SREBF2: variants seen among roughly 807,000 people sequenced by gnomAD.
The protein encoded by SREBF2 is sterol regulatory element-binding protein 2.
In SREBF2, 55 loss-of-function variants were observed where a neutral mutation model predicts 113.1. That is an observed-to-expected ratio of 0.49 (90% CI 0.39 to 0.61). The LOEUF is 0.61. Among genes scored for constraint, SREBF2 ranks in the 20% least tolerant of loss-of-function variants. The probability of loss-of-function intolerance (pLI) is 0.00; values close to 1 mark genes in which losing one functional copy is unlikely to be tolerated. For synonymous variants in SREBF2, 593 were observed against 605.7 expected, an observed-to-expected ratio of 0.98 and a Z score of 0.31; for missense variants, 1,349 against 1,487.4, an observed-to-expected ratio of 0.91 and a Z score of 1.53.
intron 11 of SREBF2, among the ~76,000 whole-genome samples, chr22:41,887,953 G>A (rs1569403919): frequency 6.6e-6 from 1 of 152,094 alleles, no homozygotes; most frequent in Non-Finnish European, 1.5e-5. Context: ...AGTCTGTTTC[G>A]TTACATTCAA....
rs1162448693 is a variant in SREBF2 at position 41,895,048 on chromosome 22, C to T, written c.2495+111C>T. ...GGAAACAAGCCTGGCATCGGGTTGG[C>T]AGGGCAATCAAATGGTTCCTTTGTA... is the stretch of plus-strand genomic sequence containing the variant. On this transcript the variant is annotated intron_variant, in intron 13 of 18. Coordinates refer to ENST00000361204, the MANE Select transcript of SREBF2 (RefSeq NM_004599.4). 1.2e-5 allele frequency: 10 copies of T among 814,566 alleles called. No homozygotes were observed. The East Asian group carries it at 2.6e-4, about 21-fold the overall frequency. 50.5% of individuals were successfully genotyped at this position (814,566 alleles called of 1,614,324 possible).
rs536043807 is a variant in SREBF2 at position 41,899,977 on chromosome 22, C to T, written c.2739-353C>T. ...ATACCACATCTCTGGGGGGGTGGTC[C>T]CTTAAAGAACGGGTACAACACCTTA... On this transcript the variant is annotated intron_variant, in intron 15 of 18. Transcript: ENST00000361204. 108 of 1,209,096 alleles carry T rather than the reference C, an allele frequency of 8.9e-5. 1 individual carries two copies. In the South Asian group the frequency reaches 1.6e-3, roughly 18 times the overall value. The allele number at this position is 1,209,096 out of a possible 1,614,324, so 74.9% of individuals were successfully genotyped here. A position where few individuals can be genotyped will look rare whatever the true frequency, so the allele number is the denominator to read the frequency against.
chr22:41,849,645 G>A (rs1052284934), intron 1 of SREBF2, among the ~76,000 whole-genome samples: 2 of 152,094 alleles, frequency 1.3e-5, no homozygotes, highest in Non-Finnish European at 2.9e-5. Flanking sequence ...TACTTAAAAA[G>A]AGAGAGATTG....
At chr22:41,892,508 C>T (rs1268902631) in intron 11 of SREBF2, among the ~76,000 whole-genome samples, 1 of 151,790 alleles carries the variant, frequency 6.6e-6, no homozygotes, top group Non-Finnish European at 1.5e-5. Flanking sequence ...ATTAGCCGGG[C>T]ATGGTGGCGC....
intron 9 of SREBF2, among the ~76,000 whole-genome samples, chr22:41,879,803 C>T (rs767760954): frequency 4.5e-4 from 69 of 152,148 alleles, no homozygotes; most frequent in Admixed American, 7.2e-4. Flanking sequence ...AGAAAGCGAG[C>T]GGTCTCCAGT....
intron 7 of SREBF2, 63 bp from the exon 8 acceptor site, chr22:41,877,166 A>G: frequency 1.3e-6 from 2 of 1,481,550 alleles, no homozygotes; most frequent in African/African-American, 1.4e-5. Flanking sequence ...ATATATATGT[A>G]TTTATAAAGT....
chr22:41,833,293 G>T lies in SREBF2; in HGVS notation c.23G>T (p.Gly8Val), dbSNP rs750162799. 6 of 1,529,620 alleles carry T rather than the reference G, an allele frequency of 3.9e-6. No homozygotes were observed. Among genetic ancestry groups the T allele is most frequent in the Middle Eastern group, 1.7e-4 (1 of 5,940 alleles). 94.8% of individuals were successfully genotyped at this position (1,529,620 alleles called of 1,614,324 possible). ...GCGATGGACGACAGCGGCGAGCTGGGTGGTCTGGAGACCATGGAGACCCTC... is the reference window on the plus strand; with the variant it reads ...GCGATGGACGACAGCGGCGAGCTGGTTGGTCTGGAGACCATGGAGACCCTC... MDDSGEL[G>V]GLETMETLTE... is the part of the protein sequence containing the mutation. Residue 8 changes from glycine to valine, a missense_variant, in exon 1 of 19, where the codon GGT (glycine) becomes GTT (valine). Physicochemically the swap from Gly to Val is moderately radical, Grantham distance 109. Coordinates refer to ENST00000361204, the MANE Select transcript of SREBF2 (RefSeq NM_004599.4). The surrounding 1 kb of genome is among the most constrained non-coding windows in gnomAD (Gnocchi z 4.1).
intron 15 of SREBF2, 32 bp downstream of exon 15, chr22:41,898,813 T>A: frequency 6.2e-7 from 1 of 1,612,488 alleles, no homozygotes; most frequent in South Asian, 1.1e-5. Flanking sequence ...CTCACTTGCT[T>A]CTCTCCAGGG....
chr22:41,855,310 G>A (rs1360025417), intron 1 of SREBF2, among the ~76,000 whole-genome samples: 2 of 152,152 alleles, frequency 1.3e-5, no homozygotes, highest in East Asian at 3.8e-4. Flanking sequence ...ATCACTTGAG[G>A]TCAGGAGCTG....
In SREBF2 at chr22:41,873,153, C is replaced by T. The variant is rs1423068474; in HGVS notation, c.868-645C>T. On this transcript the variant is annotated intron_variant, in intron 4 of 18. Transcript: ENST00000361204. ...CAGAGTTTGTGGTGAGCCGAGATCACACCATTGCATTCCAGCCTGGGCAAC... is the reference window on the plus strand; with the variant it reads ...CAGAGTTTGTGGTGAGCCGAGATCATACCATTGCATTCCAGCCTGGGCAAC... 2.0e-5 allele frequency among the ~76,000 whole-genome samples: 3 copies of T among 152,192 alleles called. No homozygotes were observed. In the East Asian group the frequency reaches 5.8e-4, roughly 29 times the overall value.
intron 1 of SREBF2, among the ~76,000 whole-genome samples, chr22:41,841,971 A>T (rs548065945): frequency 2.0e-4 from 31 of 152,206 alleles, no homozygotes; most frequent in Admixed American, 3.9e-4. Flanking sequence ...CTTGTGAACA[A>T]GTCACTTGGG....
chr22:41,862,249 G>A (rs927553285), intron 1 of SREBF2, among the ~76,000 whole-genome samples: 1 of 152,152 alleles, frequency 6.6e-6, no homozygotes, highest in African/African-American at 2.4e-5. Context: ...TGAACTCAGG[G>A]TCTCTTTGTG....
chr22:41,837,929 A>G (rs2076794638), intron 1 of SREBF2, among the ~76,000 whole-genome samples: 1 of 152,108 alleles, frequency 6.6e-6, no homozygotes. Flanking sequence ...TTAAAAAAAA[A>G]GTACTATAGG....
rs953506893 is a variant in SREBF2, at chr22:41,833,762, C to T, written c.88+404C>T. 20 of 165,218 alleles carry T rather than the reference C, an allele frequency of 1.2e-4. No homozygotes were observed. The highest frequency in any genetic ancestry group is 2.6e-3 in the Middle Eastern group (1 of 390). The allele number at this position is 165,218 out of a possible 1,614,324, so 10.2% of individuals were successfully genotyped here. Reference sequence around the variant, plus strand: ...GCGCGTCGCACCTGTCACTCCCTTCCTGGCCGCGGGGACGTCTTTGGGATT... The same window carrying T: ...GCGCGTCGCACCTGTCACTCCCTTCTTGGCCGCGGGGACGTCTTTGGGATT... On this transcript the variant is annotated intron_variant, in intron 1 of 18. Coordinates refer to ENST00000361204, the MANE Select transcript of SREBF2 (RefSeq NM_004599.4). The surrounding 1 kb of genome is among the most constrained non-coding windows in gnomAD (Gnocchi z 4.1).
At chr22:41,852,617 A>G (rs1030055869) in intron 1 of SREBF2, among the ~76,000 whole-genome samples, 1 of 151,190 alleles carries the variant, frequency 6.6e-6, no homozygotes, top group Non-Finnish European at 1.5e-5. Context: ...GGCCATATTT[A>G]TAACCAAAAC....
chr22:41,890,433 C>G (rs1331326769), intron 11 of SREBF2, among the ~76,000 whole-genome samples: 2 of 152,222 alleles, frequency 1.3e-5, no homozygotes, highest in African/African-American at 2.4e-5. Flanking sequence ...TGTGGCACCT[C>G]AGACTGCCTT....
At chr22:41,853,032 G>C (rs543941558) in intron 1 of SREBF2, among the ~76,000 whole-genome samples, 1 of 152,304 alleles carries the variant, frequency 6.6e-6, no homozygotes, top group East Asian at 1.9e-4. Flanking sequence ...TTACAGGCAT[G>C]AGCCACTGTG....
intron 1 of SREBF2, among the ~76,000 whole-genome samples, chr22:41,853,847 AAC>A (rs2076953429): frequency 6.6e-6 from 1 of 152,030 alleles, no homozygotes; most frequent in Non-Finnish European, 1.5e-5. Context: ...CATCCTGGCT[AAC>A]ACGGTGAAAC....
intron 5 of SREBF2, 91 bp from the exon 6 acceptor site, chr22:41,875,246 C>T: frequency 9.4e-7 from 1 of 1,062,850 alleles, no homozygotes. Flanking sequence ...TCTCACAGAG[C>T]CATGCTGTCA....
Sources: gnomAD v4.1 joint callset for allele counts (sites outside exome capture counted in the v4.1 genomes callset) on GRCh38, gnomAD v4.1.1 for gene constraint, Gnocchi (gnomAD v3.1) non-coding constraint, MANE v1.5 for transcripts, NCBI Gene and HGNC (gene_info 2026-07-23, HGNC 2026-07-21) for gene names.